The following EPYC variants were observed in gnomAD, a reference collection of about 807,000 sequenced individuals.
The protein encoded by EPYC is dermatan sulfate proteoglycan 3.
Under a neutral mutation model 30.1 loss-of-function variants are expected in EPYC, and 28 were observed. The ratio of observed to expected loss-of-function variants is 0.93; its 90% CI spans 0.69 to 1.28. The LOEUF (loss-of-function observed/expected upper bound fraction) is 1.28, where lower values mean the gene tolerates loss of function less well. Ranked by LOEUF, EPYC falls within the 50% of genes most tolerant of loss-of-function variation. The probability of loss-of-function intolerance (pLI) is 0.00; values close to 1 mark genes in which losing one functional copy is unlikely to be tolerated. For synonymous variants in EPYC, 144 were observed against 141.4 expected (o/e 1.02, Z -0.13); for missense variants, 382 against 383.5 (o/e 1.00, Z 0.03).
At chr12:90,986,889 C>T (rs144234319) in intron 2 of EPYC, among the ~76,000 whole-genome samples, 2 of 152,134 alleles carry the variant, frequency 1.3e-5, no homozygotes, top group Non-Finnish European at 1.5e-5. Context: ...AATCTCTCCC[C>T]ATGGGGATAA....
intron 2 of EPYC, among the ~76,000 whole-genome samples, chr12:90,988,631 A>G (rs1877508481): frequency 6.6e-6 from 1 of 152,164 alleles, no homozygotes; most frequent in Non-Finnish European, 1.5e-5. Flanking sequence ...CTCACTTTAT[A>G]CAACTGGGAA....
intron 2 of EPYC, among the ~76,000 whole-genome samples, chr12:90,980,634 C>T (rs1877303762): frequency 1.3e-5 from 2 of 152,108 alleles, no homozygotes; most frequent in Non-Finnish European, 2.9e-5. Context: ...GTGTGGCAGA[C>T]TTGTATGCTT....
At chr12:90,980,605 C>T (rs970657206) in intron 2 of EPYC, among the ~76,000 whole-genome samples, 2 of 152,116 alleles carry the variant, frequency 1.3e-5, no homozygotes, top group Non-Finnish European at 2.9e-5. Context: ...TCCAGGGAAA[C>T]AAGACCACCT....
At chr12:90,984,479 T>G (rs949924235) in intron 2 of EPYC, among the ~76,000 whole-genome samples, 1 of 152,160 alleles carries the variant, frequency 6.6e-6, no homozygotes, top group African/African-American at 2.4e-5. Flanking sequence ...CTCATTTTTT[T>G]TCTGCACTAT....
intron 2 of EPYC, among the ~76,000 whole-genome samples, chr12:90,992,616 C>G (rs1877611152): frequency 6.6e-6 from 1 of 152,160 alleles, no homozygotes; most frequent in Non-Finnish European, 1.5e-5. Flanking sequence ...GAAAGAGAAA[C>G]TTCAGGTAAG....
chr12:90,968,815 G>A (rs1486514962), intron 6 of EPYC, among the ~76,000 whole-genome samples: 2 of 151,714 alleles, frequency 1.3e-5, no homozygotes, highest in Admixed American at 1.3e-4. Context: ...GTACTCCCTT[G>A]GAAATCTTTC....
chr12:90,977,706 T>A (rs1877219055), intron 3 of EPYC, among the ~76,000 whole-genome samples: 1 of 152,232 alleles, frequency 6.6e-6, no homozygotes, highest in Non-Finnish European at 1.5e-5. Flanking sequence ...AAAATATTAT[T>A]ACTATTACCA....
chr12:90,974,065 CACACACA>C (rs1565871380), intron 3 of EPYC, among the ~76,000 whole-genome samples: 1 of 150,784 alleles, frequency 6.6e-6, no homozygotes, highest in African/African-American at 2.4e-5. Context: ...CACACACACA[CACACACA>C]CCCCTACCTC....
At chr12:90,989,057 C>T (rs1012324024) in intron 2 of EPYC, among the ~76,000 whole-genome samples, 7 of 152,050 alleles carry the variant, frequency 4.6e-5, no homozygotes, top group African/African-American at 1.7e-4. Context: ...ACTTATTTCT[C>T]ATAAAAGTAA....
chr12:90,963,881 A>G lies in EPYC; in HGVS notation c.*275T>C, dbSNP rs117759717. The G allele has an allele frequency of 0.03, 7,101 of 237,738 alleles. 143 individuals are homozygous for G. Among genetic ancestry groups the G allele is most frequent in the Admixed American group, 0.041 (765 of 18,698 alleles). 14.7% of individuals were successfully genotyped at this position (237,738 alleles called of 1,614,324 possible). A position where few individuals can be genotyped will look rare whatever the true frequency, so the allele number is the denominator to read the frequency against. On this transcript the variant is annotated 3_prime_UTR_variant, in exon 7 of 7. Coordinates refer to ENST00000261172, the MANE Select transcript of EPYC (RefSeq NM_004950.5). ...ATGATATAGGATATGAACTCCTAAAACTTGCAAGTGATACATGATCTATAA... is the reference window on the plus strand; with the variant it reads ...ATGATATAGGATATGAACTCCTAAAGCTTGCAAGTGATACATGATCTATAA...
rs1222144101 is a variant in EPYC at position 90,963,841 on chromosome 12, T to C, written c.*315A>G. The C allele has an allele frequency of 1.1e-5, 2 of 179,166 alleles. No individual in the cohort carries two copies. Among genetic ancestry groups the C allele is most frequent in the Non-Finnish European group, 2.3e-5 (2 of 86,246 alleles). The allele number at this position is 179,166 out of a possible 1,614,324, so 11.1% of individuals were successfully genotyped here. A position where few individuals can be genotyped will look rare whatever the true frequency, so the allele number is the denominator to read the frequency against. ...TTCATTTCAAAATTTTACTTTATTA[T>C]GTACTTAATTTGAAATGATATAGGA... On this transcript the variant is annotated 3_prime_UTR_variant, in exon 7 of 7. Transcript: ENST00000261172.
intron 2 of EPYC, among the ~76,000 whole-genome samples, chr12:91,000,729 A>T (rs4259884): frequency 0.66 from 100,628 of 151,896 alleles, 36,121 homozygotes; most frequent in East Asian, 0.8. Flanking sequence ...TTTGGGGGGA[A>T]ATGACAAATA....
chr12:91,000,201 T>C lies in EPYC; in HGVS notation c.165+2200A>G, dbSNP rs1384946498. Among the ~76,000 whole-genome samples the C allele has an allele frequency of 4.6e-5, 7 of 152,158 alleles. No individual in the cohort carries two copies. In the East Asian group the frequency reaches 1.2e-3, roughly 25 times the overall value. On this transcript the variant is annotated intron_variant, in intron 2 of 6. Coordinates refer to ENST00000261172, the MANE Select transcript of EPYC (RefSeq NM_004950.5). ...GTGGCTCTCTGGATCCCTCACTCAC[T>C]GAGTATTCTAAGTTTGGTTTGAAGT...
chr12:90,998,026 A>G (rs1877735877), intron 2 of EPYC, among the ~76,000 whole-genome samples: 1 of 152,096 alleles, frequency 6.6e-6, no homozygotes, highest in Admixed American at 6.6e-5. Flanking sequence ...ATATATAATT[A>G]CTAACTGTTT....
chr12:90,997,636 C>A (rs1237671923), intron 2 of EPYC, among the ~76,000 whole-genome samples: 1 of 151,978 alleles, frequency 6.6e-6, no homozygotes, highest in African/African-American at 2.4e-5. Context: ...TCTGATGAAC[C>A]CTTTAAGGCA....
chr12:90,987,562 G>A (rs1240796231), intron 2 of EPYC, among the ~76,000 whole-genome samples: 2 of 152,122 alleles, frequency 1.3e-5, no homozygotes, highest in Non-Finnish European at 2.9e-5. Context: ...ACATCTCCAT[G>A]TCTGCCTATG....
intron 1 of EPYC, among the ~76,000 whole-genome samples, chr12:91,003,477 C>A (rs1001557617): frequency 6.6e-6 from 1 of 151,938 alleles, no homozygotes; most frequent in African/African-American, 2.4e-5. Flanking sequence ...AAGCACAATT[C>A]TTATTTTCCA....
chr12:90,997,986 G>T (rs151073191), intron 2 of EPYC, among the ~76,000 whole-genome samples: 1 of 152,088 alleles, frequency 6.6e-6, no homozygotes, highest in East Asian at 1.9e-4. Flanking sequence ...AAATTATTTT[G>T]TGATATGAGA....
chr12:90,978,559 T>C lies in EPYC; in HGVS notation c.166-297A>G, dbSNP rs190138195. ...TCATTTCATAGGTTTAAAAAAAAGCTCATTTATTGTTTTCTAATAATAAGT... is the reference window on the plus strand; with the variant it reads ...TCATTTCATAGGTTTAAAAAAAAGCCCATTTATTGTTTTCTAATAATAAGT... On this transcript the variant is annotated intron_variant, in intron 2 of 6. Transcript: ENST00000261172. Among the ~76,000 whole-genome samples the C allele has an allele frequency of 2.9e-3, 435 of 152,098 alleles. 4 individuals are homozygous for C. In the South Asian group the frequency reaches 0.03, roughly 10 times the overall value.
Sources: allele counts gnomAD v4.1 joint callset (sites outside exome capture counted in the v4.1 genomes callset), GRCh38; gene constraint gnomAD v4.1.1; transcripts MANE v1.5; gene names NCBI Gene and HGNC (gene_info 2026-07-23, HGNC 2026-07-21).